The following TP53BP2 variants were observed in gnomAD, a reference collection of about 807,000 sequenced individuals.
TP53BP2 encodes the protein apoptosis-stimulating of p53 protein 2.
A neutral mutation model predicts 126.2 loss-of-function variants in TP53BP2; 62 were observed. The ratio of observed to expected loss-of-function variants is 0.49; its 90% CI spans 0.40 to 0.61. The LOEUF (loss-of-function observed/expected upper bound fraction) is 0.61, where lower values mean the gene tolerates loss of function less well. TP53BP2 is among the 20% of genes least tolerant of loss of function. TP53BP2 has a pLI of 0.00. For synonymous variants in TP53BP2, 485 were observed against 502.9 expected, an observed-to-expected ratio of 0.96 and a Z score of 0.48; for missense variants, 1,215 against 1,402.8, an observed-to-expected ratio of 0.87 and a Z score of 2.14.
chr1:223,825,061 C>A (rs1663445154), intron 1 of TP53BP2, among the ~76,000 whole-genome samples: 1 of 130,946 alleles, frequency 7.6e-6, no homozygotes, highest in African/African-American at 3.7e-5. Context: ...ACACCCTAGC[C>A]CATTCTTCTG....
chr1:223,814,681 T>C (rs1663026521), intron 2 of TP53BP2, among the ~76,000 whole-genome samples: 1 of 152,212 alleles, frequency 6.6e-6, no homozygotes, highest in East Asian at 1.9e-4. Flanking sequence ...GTAAAATCTA[T>C]ATTAGATCAC....
chr1:223,834,702 A>C, intron 1 of TP53BP2: 2 of 440,498 alleles, frequency 4.5e-6, no homozygotes, highest in Non-Finnish European at 6.0e-6. Context: ...ACTTTTCCTC[A>C]CTTCTCTCCC....
At chr1:223,797,426 T>G (rs923690292) in intron 12 of TP53BP2, among the ~76,000 whole-genome samples, 5 of 146,784 alleles carry the variant, frequency 3.4e-5, no homozygotes, top group Admixed American at 1.4e-4. Context: ...CGTATGTATG[T>G]TTTTTTTTTT....
chr1:223,826,845 G>A (rs988957951), intron 1 of TP53BP2, among the ~76,000 whole-genome samples: 1 of 152,158 alleles, frequency 6.6e-6, no homozygotes, highest in South Asian at 2.1e-4. Flanking sequence ...AATGAGATAC[G>A]ATGGTAGCAC....
intron 8 of TP53BP2, 75 bp downstream of exon 8, chr1:223,802,656 T>A: frequency 1.3e-6 from 2 of 1,508,712 alleles, no homozygotes; most frequent in Non-Finnish European, 1.8e-6. Context: ...CTGAAGAAGA[T>A]GCCTATGAGT....
chr1:223,802,925 C>A, intron 7 of TP53BP2, 30 bp from the exon 8 acceptor site: 2 of 1,612,182 alleles, frequency 1.2e-6, no homozygotes, highest in Non-Finnish European at 1.7e-6. Flanking sequence ...AAAAAGGTAG[C>A]CAAGGAGTAG....
At chr1:223,787,288 C>A (rs1662003823) in intron 16 of TP53BP2, among the ~76,000 whole-genome samples, 2 of 152,056 alleles carry the variant, frequency 1.3e-5, no homozygotes, top group Admixed American at 6.6e-5. Flanking sequence ...CCTAGGAGTT[C>A]AGGGTTGTAG....
chr1:223,820,886 G>A (rs1663280363), intron 2 of TP53BP2, among the ~76,000 whole-genome samples: 1 of 152,154 alleles, frequency 6.6e-6, no homozygotes, highest in South Asian at 2.1e-4. Context: ...TACAGAAATT[G>A]AGAGAAGGCA....
At chr1:223,834,814 C>T (rs1663865243) in intron 1 of TP53BP2, 2 of 985,314 alleles carry the variant, frequency 2.0e-6, no homozygotes, top group African/African-American at 3.5e-5. Flanking sequence ...ATCCATCCAT[C>T]CCTACCCACA....
Position 223,814,304 on chromosome 1 carries a change from A to T in TP53BP2, c.225T>A (p.Phe75Leu), listed in dbSNP as rs1317075796. The change falls in exon 3 of 18, where the codon TTT (phenylalanine) becomes TTA (leucine). Residue 75 changes from phenylalanine to leucine, a missense_variant. Phe to Leu is a conservative substitution (Grantham distance 22). This residue lies in a region of TP53BP2 where 814 missense variants were observed against 853.0 expected (regional missense o/e 0.95). Coordinates refer to ENST00000343537, the MANE Select transcript of TP53BP2 (RefSeq NM_001031685.3). ...NERMFDVLQR[F>L]GSQRNEVRFF... ...AGCGAACTTCGTTCCTCTGACTTCC[A>T]AATCGTTGAAGAACATCAAACATTC... 1 of 1,613,864 alleles carries T rather than the reference A, an allele frequency of 6.2e-7. No homozygotes were observed. Among genetic ancestry groups the T allele is most frequent in the African/African-American group, 1.3e-5 (1 of 74,948 alleles).
intron 1 of TP53BP2, among the ~76,000 whole-genome samples, chr1:223,839,348 G>A (rs1009673160): frequency 4.6e-5 from 7 of 152,212 alleles, no homozygotes; most frequent in Admixed American, 2.0e-4. Flanking sequence ...AAATCACCAG[G>A]CACAGTGTGA....
chr1:223,806,584 G>A (rs1164700730), intron 5 of TP53BP2, among the ~76,000 whole-genome samples: 1 of 152,162 alleles, frequency 6.6e-6, no homozygotes, highest in Non-Finnish European at 1.5e-5. Context: ...AACACTTTGG[G>A]AGGCCGAAGT....
intron 15 of TP53BP2, among the ~76,000 whole-genome samples, chr1:223,790,247 G>C (rs550987855): frequency 4.3e-4 from 65 of 151,784 alleles, no homozygotes; most frequent in East Asian, 1.7e-3. Context: ...GCAAGACTCT[G>C]TCTCAAAAAA....
intron 16 of TP53BP2, among the ~76,000 whole-genome samples, chr1:223,784,569 A>C (rs1219790823): frequency 6.6e-6 from 1 of 152,212 alleles, no homozygotes; most frequent in Admixed American, 6.5e-5. Flanking sequence ...AGCACTTTAT[A>C]AGCATCTCTT....
At chr1:223,804,055 G>T in intron 6 of TP53BP2, 119 bp downstream of exon 6, 2 of 1,026,526 alleles carry the variant, frequency 1.9e-6, no homozygotes, top group Non-Finnish European at 1.4e-6. Flanking sequence ...AGGCTGAGGT[G>T]GGAGGATCAC....
In TP53BP2 at chr1:223,824,151, A is replaced by G. The variant is rs143539035; in HGVS notation, c.28-2784T>C. 3.3e-5 allele frequency among the ~76,000 whole-genome samples: 5 copies of G among 152,324 alleles called. No individual in the cohort carries two copies. The East Asian group carries it at 9.6e-4, about 29-fold the overall frequency. ...ATTCTGTTTTTCTGATCTATCCTCT[A>G]TTCTTTAAGCTGTCCTTTATAGAAA... On this transcript the variant is annotated intron_variant, in intron 1 of 17. Transcript: ENST00000343537.
rs758647320 is a variant in TP53BP2, at chr1:223,841,269, A to AAATAAATAAATAAATAAATAAATG, written c.27+4384_27+4385insCATTTATTTATTTATTTATTTATT. 4.0e-3 allele frequency among the ~76,000 whole-genome samples: 607 copies of AAATAAATAAATAAATAAATAAATG among 152,022 alleles called. 11 individuals carry two copies. Among genetic ancestry groups the AAATAAATAAATAAATAAATAAATG allele is most frequent in the African/African-American group, 0.014 (579 of 41,386 alleles). On this transcript the variant is annotated intron_variant, in intron 1 of 17. Coordinates refer to ENST00000343537, the MANE Select transcript of TP53BP2 (RefSeq NM_001031685.3). ...TCAAGAAATAAATAAATAAATAAAT[A>AAATAAATAAATAAATAAATAAATG]AAAGAAATATTTTGCACATTTCTAA...
chr1:223,790,814 C>T (rs1662132642), intron 15 of TP53BP2, among the ~76,000 whole-genome samples: 1 of 151,950 alleles, frequency 6.6e-6, no homozygotes, highest in Non-Finnish European at 1.5e-5. Context: ...CTCTGTTGCC[C>T]AGGCTGATCT....
chr1:223,824,256 C>A (rs1447945629), intron 1 of TP53BP2, among the ~76,000 whole-genome samples: 1 of 152,152 alleles, frequency 6.6e-6, no homozygotes, highest in Non-Finnish European at 1.5e-5. Context: ...TCTGGAAAAC[C>A]AACAGCTTCA....
Sources: allele counts gnomAD v4.1 joint callset (sites outside exome capture counted in the v4.1 genomes callset), GRCh38; gene constraint gnomAD v4.1.1; regional missense constraint gnomAD v4.1.1; transcripts MANE v1.5; gene names NCBI Gene and HGNC (gene_info 2026-07-23, HGNC 2026-07-21).